The following MTHFD2L variants were observed in gnomAD, a reference collection of about 807,000 sequenced individuals.
The protein encoded by MTHFD2L is bifunctional methylenetetrahydrofolate dehydrogenase/cyclohydrolase 2, mitochondrial.
MTHFD2L carries 29 observed loss-of-function variants against 34.9 expected under a neutral mutation model. The ratio of observed to expected loss-of-function variants is 0.83; its 90% CI spans 0.62 to 1.13. MTHFD2L has a LOEUF of 1.13. Ranked by LOEUF, MTHFD2L falls within the 50% of genes most tolerant of loss-of-function variation. The probability of loss-of-function intolerance (pLI) is 0.00; values close to 1 mark genes in which losing one functional copy is unlikely to be tolerated. For synonymous variants in MTHFD2L, 167 were observed against 155.7 expected, an observed-to-expected ratio of 1.07 and a Z score of -0.54; for missense variants, 481 against 446.5, an observed-to-expected ratio of 1.08 and a Z score of -0.70.
intron 5 of MTHFD2L, among the ~76,000 whole-genome samples, chr4:74,212,145 T>C (rs1017572721): frequency 2.3e-4 from 34 of 150,762 alleles, no homozygotes; most frequent in African/African-American, 6.8e-4. Context: ...CATTTTTTAA[T>C]ACTCCTGCAT....
At chr4:74,268,144 G>C (rs937719149) in intron 6 of MTHFD2L, 35 of 984,086 alleles carry the variant, frequency 3.6e-5, no homozygotes, top group Non-Finnish European at 4.0e-5. Context: ...AGGATTTCTA[G>C]AAATAACAGG....
chr4:74,291,095 G>A (rs1225218157), intron 7 of MTHFD2L, among the ~76,000 whole-genome samples: 1 of 127,458 alleles, frequency 7.8e-6, no homozygotes, highest in African/African-American at 3.0e-5. Flanking sequence ...TTGGCTCACT[G>A]CAGCCTCCAC....
intron 6 of MTHFD2L, among the ~76,000 whole-genome samples, chr4:74,259,019 A>C (rs1744367875): frequency 6.6e-6 from 1 of 152,184 alleles, no homozygotes; most frequent in African/African-American, 2.4e-5. Context: ...AATTCTACTA[A>C]ATCTCTGTAA....
At chr4:74,251,350 T>G (rs1743281756) in intron 6 of MTHFD2L, among the ~76,000 whole-genome samples, 1 of 152,232 alleles carries the variant, frequency 6.6e-6, no homozygotes, top group Non-Finnish European at 1.5e-5. Context: ...TGAATCAGCC[T>G]TTCTCTTCTC....
intron 6 of MTHFD2L, among the ~76,000 whole-genome samples, chr4:74,262,797 C>G (rs1454643382): frequency 6.6e-6 from 1 of 151,868 alleles, no homozygotes; most frequent in Admixed American, 6.6e-5. Flanking sequence ...TATAGTCCCT[C>G]TAGAAGGTAA....
chr4:74,277,440 G>T (rs1746823314), intron 6 of MTHFD2L, among the ~76,000 whole-genome samples: 1 of 151,958 alleles, frequency 6.6e-6, no homozygotes, highest in Non-Finnish European at 1.5e-5. Context: ...TTACTAGGAT[G>T]CCCCATTCTA....
chr4:74,245,194 C>CAAAAAAA (rs57639523), intron 6 of MTHFD2L, among the ~76,000 whole-genome samples: 10 of 66,382 alleles, frequency 1.5e-4, no homozygotes, highest in South Asian at 8.9e-4. Context: ...GACTCAGTCT[C>CAAAAAAA]AAAAAAAAAA....
intron 6 of MTHFD2L, among the ~76,000 whole-genome samples, chr4:74,264,375 A>T (rs573326711): frequency 4.6e-5 from 7 of 152,216 alleles, no homozygotes; most frequent in Non-Finnish European, 1.0e-4. Context: ...ACATAATGAC[A>T]TAATTATGAA....
At chr4:74,216,603 G>T (rs1451716312) in intron 5 of MTHFD2L, among the ~76,000 whole-genome samples, 1 of 151,674 alleles carries the variant, frequency 6.6e-6, no homozygotes, top group Non-Finnish European at 1.5e-5. Context: ...ATGCACTTGA[G>T]AACTCCAGTT....
chr4:74,168,537 T>C (rs761443283), intron 1 of MTHFD2L, among the ~76,000 whole-genome samples: 4 of 152,250 alleles, frequency 2.6e-5, no homozygotes, highest in Non-Finnish European at 4.4e-5. Context: ...TTGTTGTTTT[T>C]CAATTTGCTT....
chr4:74,207,249 G>A (rs1213877773), intron 5 of MTHFD2L, among the ~76,000 whole-genome samples: 2 of 152,124 alleles, frequency 1.3e-5, no homozygotes, highest in Non-Finnish European at 2.9e-5. Context: ...TTCTAAGTAG[G>A]ACATATCTTC....
intron 6 of MTHFD2L, among the ~76,000 whole-genome samples, chr4:74,249,657 C>T (rs931143487): frequency 6.6e-6 from 1 of 152,030 alleles, no homozygotes; most frequent in Non-Finnish European, 1.5e-5. Context: ...CCTTCAGGAG[C>T]TCTTTTAGGG....
chr4:74,232,133 T>C (rs1740159463), intron 6 of MTHFD2L, among the ~76,000 whole-genome samples: 1 of 152,224 alleles, frequency 6.6e-6, no homozygotes, highest in South Asian at 2.1e-4. Flanking sequence ...TTGGTTGCTT[T>C]TGATACTAAT....
intron 6 of MTHFD2L, among the ~76,000 whole-genome samples, chr4:74,246,539 A>G (rs990167149): frequency 1.3e-5 from 2 of 152,182 alleles, no homozygotes; most frequent in African/African-American, 2.4e-5. Context: ...TGTTATAGAC[A>G]TGAAGTCCTT....
At chr4:74,205,214 A>G (rs1735083516) in intron 5 of MTHFD2L, among the ~76,000 whole-genome samples, 1 of 152,220 alleles carries the variant, frequency 6.6e-6, no homozygotes, top group Admixed American at 6.5e-5. Context: ...AGAGCTGCTT[A>G]CTGAAGGTTT....
intron 6 of MTHFD2L, among the ~76,000 whole-genome samples, chr4:74,262,347 TAC>T (rs1744782776): frequency 6.6e-6 from 1 of 151,832 alleles, no homozygotes; most frequent in Non-Finnish European, 1.5e-5. Context: ...TTAGAAAAGA[TAC>T]ACACAAATAT....
At chr4:74,250,528 A>T (rs1743159641) in intron 6 of MTHFD2L, among the ~76,000 whole-genome samples, 1 of 152,164 alleles carries the variant, frequency 6.6e-6, no homozygotes, top group Non-Finnish European at 1.5e-5. Context: ...ACCACCTAGC[A>T]CATAGTAGCT....
At chr4:74,261,499 T>A (rs750560971) in intron 6 of MTHFD2L, among the ~76,000 whole-genome samples, 55 of 152,170 alleles carry the variant, frequency 3.6e-4, no homozygotes, top group Non-Finnish European at 7.7e-4. Flanking sequence ...CTAACCCATG[T>A]TTTTGCGTGG....
chr4:74,186,453 A>AAC (rs1560462662), intron 3 of MTHFD2L, among the ~76,000 whole-genome samples: 2 of 150,718 alleles, frequency 1.3e-5, no homozygotes, highest in East Asian at 1.9e-4. Context: ...AAAAAAAAAA[A>AAC]AAAAAACAGC....
Sources: allele counts gnomAD v4.1 joint callset (sites outside exome capture counted in the v4.1 genomes callset), GRCh38; gene constraint gnomAD v4.1.1; transcripts MANE v1.5; gene names NCBI Gene and HGNC (gene_info 2026-07-23, HGNC 2026-07-21).